Variants in STARD9 observed in about 807,000 individuals in gnomAD.
The protein encoded by STARD9 is stAR-related lipid transfer protein 9.
STARD9 carries 346 observed loss-of-function variants against 399.8 expected under a neutral mutation model. The observed-to-expected ratio is 0.87, with a 90% CI of 0.79 to 0.95. The LOEUF (loss-of-function observed/expected upper bound fraction) is 0.95, where lower values mean the gene tolerates loss of function less well. Among genes scored for constraint, STARD9 ranks in the 40% least tolerant of loss-of-function variants. The pLI is 0.00. For missense variants in STARD9, 5,832 were observed against 5,667.5 expected (o/e 1.03, Z -0.93); for synonymous variants, 2,203 against 2,143.5 (o/e 1.03, Z -0.77).
Position 42,695,157 on chromosome 15 carries a change from C to A in STARD9, c.12980C>A (p.Ser4327Ter). 6.5e-7 allele frequency: 1 copy of A among 1,533,518 alleles called. No individual in the cohort carries two copies. 95.0% of individuals were successfully genotyped at this position (1,533,518 alleles called of 1,614,324 possible). Residue 4327 changes from serine (S) to a stop codon, truncating the protein, a stop_gained, in exon 25 of 33, where the codon TCA becomes TAA. Transcript: ENST00000290607. LOFTEE classifies it high-confidence loss of function. ...TTCCTCAGGAGCCCAGAGTCAGTGT[C>A]AAGGTCAGCTCACACACCCTCTGAC... is the stretch of plus-strand genomic sequence containing the variant. ...VETTRSPESVSRSAHTPSDIE... is the reference protein window; with the variant it reads ...VETTRSPESV
At position 42,692,923 on chromosome 15, in the gene STARD9, C is replaced by T. The variant is rs2060748360; in HGVS notation, c.11345C>T (p.Pro3782Leu). The change falls in exon 23 of 33, where the codon CCT (proline) becomes CTT (leucine). Residue 3782 changes from proline to leucine, a missense_variant. Transcript: ENST00000290607. ...GAAGAGGGAGATGTGCCAGGGGTACCTCAGAAGAGAGAGGCAGAGGAAACA... is the reference window on the plus strand; with the variant it reads ...GAAGAGGGAGATGTGCCAGGGGTACTTCAGAAGAGAGAGGCAGAGGAAACA... ...SQEEGDVPGV[P>L]QKREAEETAQ... 1.3e-6 allele frequency: 2 copies of T among 1,537,134 alleles called. No individual in the cohort carries two copies. The highest frequency in any genetic ancestry group is 2.0e-5 in the Admixed American group (1 of 50,976).
intron 20 of STARD9, among the ~76,000 whole-genome samples, chr15:42,680,812 C>T (rs1193663997): frequency 6.6e-6 from 1 of 152,144 alleles, no homozygotes; most frequent in East Asian, 1.9e-4. Flanking sequence ...GAGTCTAAAA[C>T]TCTTGAATCC....
intron 18 of STARD9, among the ~76,000 whole-genome samples, chr15:42,675,277 A>C (rs1187570714): frequency 2.0e-5 from 3 of 152,228 alleles, no homozygotes; most frequent in African/African-American, 7.2e-5. Flanking sequence ...GGATTGAATG[A>C]ACCTTATAGT....
chr15:42,655,932 C>T (rs1287987930), intron 9 of STARD9, among the ~76,000 whole-genome samples: 3 of 152,066 alleles, frequency 2.0e-5, no homozygotes, highest in African/African-American at 7.2e-5. Context: ...ATAAACAGTT[C>T]TCAAAAGAAG....
At chr15:42,706,211 CTTTT>C (rs1383502404) in intron 26 of STARD9, among the ~76,000 whole-genome samples, 2 of 152,098 alleles carry the variant, frequency 1.3e-5, no homozygotes, top group African/African-American at 4.8e-5. Flanking sequence ...TTCAAGCTTT[CTTTT>C]TATGTTTTTA....
In STARD9 at chr15:42,638,039, G is replaced by A. The variant is rs2059451090; in HGVS notation, c.398G>A (p.Arg133Lys). The A allele has an allele frequency of 1.3e-6, 2 of 1,537,362 alleles. No homozygotes were observed. Among genetic ancestry groups the A allele is most frequent in the Non-Finnish European group, 1.7e-6 (2 of 1,146,942 alleles). The change falls in exon 6 of 33, where the codon AGG becomes AAG. Residue 133 changes from arginine (R) to lysine (K), a missense_variant. By Grantham distance (26) the Arg-to-Lys change is conservative. Coordinates refer to ENST00000290607, the MANE Select transcript of STARD9 (RefSeq NM_020759.3). ...TGGTTTGTGCAGGGTCTCTTCGTCA[G>A]GGAGAAAGACTGTGCCTCACTGCCT... is the stretch of plus-strand genomic sequence containing the variant. ...TPRICEGLFV[R>K]EKDCASLPSS... is the part of the protein sequence containing the mutation.
intron 20 of STARD9, among the ~76,000 whole-genome samples, chr15:42,678,350 G>A (rs146495531): frequency 2.0e-5 from 3 of 152,304 alleles, no homozygotes; most frequent in African/African-American, 7.2e-5. Flanking sequence ...ATTTATCTCT[G>A]GAGCAGCATT....
At chr15:42,683,983 T>G (rs2060490121) in intron 22 of STARD9, 133 bp from the exon 23 acceptor site, 8 of 971,646 alleles carry the variant, frequency 8.2e-6, no homozygotes, top group African/African-American at 1.7e-5. Context: ...AATTTCCTTT[T>G]ATACCTGGAG....
chr15:42,712,081 T>TAAAATATAAAATATATAATATATAA, intron 26 of STARD9, among the ~76,000 whole-genome samples: 1 of 39,130 alleles, frequency 2.6e-5, no homozygotes, highest in African/African-American at 3.2e-4. Flanking sequence ...TATATATATA[T>TAAAATATAAAATATATAATATATAA]TATATATATA....
chr15:42,627,754 C>T (rs1009422900), intron 3 of STARD9, among the ~76,000 whole-genome samples: 1 of 152,104 alleles, frequency 6.6e-6, no homozygotes, highest in Non-Finnish European at 1.5e-5. Context: ...TTGTAAATGA[C>T]AGGGTTTCAC....
chr15:42,634,825 A>G, intron 3 of STARD9, 31 bp from the exon 4 acceptor site: 1 of 1,120,688 alleles, frequency 8.9e-7, no homozygotes, highest in African/African-American at 1.6e-5. Flanking sequence ...GAAGGACCAC[A>G]GTGATATTTC....
At chr15:42,680,856 G>C (rs568164486) in intron 20 of STARD9, among the ~76,000 whole-genome samples, 1 of 152,088 alleles carries the variant, frequency 6.6e-6, no homozygotes, top group African/African-American at 2.4e-5. Flanking sequence ...AACAGCTCTG[G>C]AGTGGAGACC....
intron 3 of STARD9, among the ~76,000 whole-genome samples, chr15:42,592,670 CG>C (rs1226452270): frequency 6.6e-6 from 1 of 152,128 alleles, no homozygotes; most frequent in African/African-American, 2.4e-5. Context: ...TCTCGAACTC[CG>C]GATCTCAAGT....
chr15:42,663,120 C>T (rs2060021811), intron 11 of STARD9, 161 bp from the exon 12 acceptor site: 5 of 764,828 alleles, frequency 6.5e-6, no homozygotes, highest in South Asian at 1.9e-5. Context: ...CATTCCATAT[C>T]GTGAGTCTAA....
rs1292258341 is a variant in STARD9, at chr15:42,686,225, C to T, written c.4647C>T (p.Val1549=). Residue 1549 remains valine (V), a synonymous_variant, in exon 23 of 33, where the codon GTC becomes GTT. Coordinates refer to ENST00000290607, the MANE Select transcript of STARD9 (RefSeq NM_020759.3). ...SSNLNLNNFP[V]HLSRIRRLRA... is the part of the protein sequence containing the mutation. Reference sequence around the variant, plus strand: ...ATCTGAATCTCAACAACTTTCCAGTCCATCTGTCCAGAATCAGGCGTTTGA... The same window carrying T: ...ATCTGAATCTCAACAACTTTCCAGTTCATCTGTCCAGAATCAGGCGTTTGA... The T allele has an allele frequency of 6.5e-7, 1 of 1,537,550 alleles. No individual in the cohort carries two copies. The highest frequency in any genetic ancestry group is 8.7e-7 in the Non-Finnish European group (1 of 1,147,008).
chr15:42,686,236 G>A lies in STARD9; in HGVS notation c.4658G>A (p.Arg1553Lys). The part of the protein sequence containing the change: ...NLNNFPVHLS[R>K]IRRLRAEKEQ... ...AACAACTTTCCAGTCCATCTGTCCA[G>A]AATCAGGCGTTTGAGGGCAGAGAAA... The change falls in exon 23 of 33, where the codon AGA becomes AAA. Residue 1553 changes from arginine to lysine, a missense_variant. By Grantham distance (26) the Arg-to-Lys change is conservative. Coordinates refer to ENST00000290607, the MANE Select transcript of STARD9 (RefSeq NM_020759.3). 1.3e-6 allele frequency: 2 copies of A among 1,537,748 alleles called. No individual in the cohort carries two copies. Among genetic ancestry groups the A allele is most frequent in the Non-Finnish European group, 1.7e-6 (2 of 1,147,040 alleles).
Position 42,675,036 on chromosome 15 carries a change from G to A in STARD9, c.1687+72G>A, listed in dbSNP as rs1389919584. On this transcript the variant is annotated intron_variant, in intron 18 of 32. Coordinates refer to ENST00000290607, the MANE Select transcript of STARD9 (RefSeq NM_020759.3). Reference sequence around the variant, plus strand: ...AGCTCCAGTTTCATGGGCCCAAAGAGCTCAGTGAAGCAGGCTTTAAAAATG... The same window carrying A: ...AGCTCCAGTTTCATGGGCCCAAAGAACTCAGTGAAGCAGGCTTTAAAAATG... The A allele has an allele frequency of 2.9e-6, 4 of 1,392,458 alleles. No homozygotes were observed. In the Admixed American group the frequency reaches 1.2e-4, roughly 43 times the overall value. The allele number at this position is 1,392,458 out of a possible 1,614,324, so 86.3% of individuals were successfully genotyped here. A position where few individuals can be genotyped will look rare whatever the true frequency, so the allele number is the denominator to read the frequency against.
chr15:42,626,276 C>T (rs1485775936), intron 3 of STARD9, among the ~76,000 whole-genome samples: 1 of 150,262 alleles, frequency 6.7e-6, no homozygotes, highest in Non-Finnish European at 1.5e-5. Flanking sequence ...CTTCCTCCTC[C>T]TCTTCCTCCT....
In STARD9 at chr15:42,691,282, A is replaced by T; in HGVS notation, c.9704A>T (p.Asp3235Val). The T allele has an allele frequency of 2.0e-6, 3 of 1,537,234 alleles. No individual in the cohort carries two copies. Among genetic ancestry groups the T allele is most frequent in the Non-Finnish European group, 1.7e-6 (2 of 1,146,902 alleles). The part of the protein sequence containing the change: ...GFAQGVNPLP[D>V]EDGLDGCQIL... ...GCCCAGGGTGTGAATCCCCTTCCTG[A>T]TGAAGATGGCTTAGATGGCTGTCAG... The change falls in exon 23 of 33, where the codon GAT becomes GTT. Residue 3235 changes from aspartate to valine, a missense_variant. Physicochemically the swap from Asp to Val is radical, Grantham distance 152. Around this residue, in one of 2 missense-constraint regions of STARD9, gnomAD observed 5,828 missense variants for 5,651.1 expected, o/e 1.03. Transcript: ENST00000290607.
Sources: allele counts gnomAD v4.1 joint callset (sites outside exome capture counted in the v4.1 genomes callset), GRCh38; gene constraint gnomAD v4.1.1; regional missense constraint gnomAD v4.1.1; transcripts MANE v1.5; gene names NCBI Gene and HGNC (gene_info 2026-07-23, HGNC 2026-07-21).